The following MAP3K10 variants were observed in gnomAD, a reference collection of about 807,000 sequenced individuals.
MAP3K10 encodes mitogen-activated protein kinase kinase kinase 10.
Under a neutral mutation model 75.0 loss-of-function variants are expected in MAP3K10, and 22 were observed. The observed-to-expected ratio is 0.29, with a 90% CI of 0.21 to 0.42. MAP3K10 has a LOEUF of 0.42. Ranked by LOEUF, MAP3K10 falls within the 10% of genes least tolerant of loss-of-function variation. The probability of loss-of-function intolerance (pLI) is 1.00; values close to 1 mark genes in which losing one functional copy is unlikely to be tolerated. For synonymous variants in MAP3K10, 599 were observed against 612.9 expected (o/e 0.98, Z 0.34); for missense variants, 1,165 against 1,379.8 (o/e 0.84, Z 2.47).
At chr19:40,200,563 T>G (rs1326341927) in intron 2 of MAP3K10, among the ~76,000 whole-genome samples, 1 of 151,748 alleles carries the variant, frequency 6.6e-6, no homozygotes, top group Non-Finnish European at 1.5e-5. Context: ...AGAGCAGCCC[T>G]TTGGGAGAAT....
chr19:40,195,737 C>T (rs750788225), intron 1 of MAP3K10, among the ~76,000 whole-genome samples: 3 of 151,946 alleles, frequency 2.0e-5, no homozygotes, highest in African/African-American at 4.8e-5. Flanking sequence ...TCAGGTGATC[C>T]GCCTGCCTTA....
intron 1 of MAP3K10, among the ~76,000 whole-genome samples, chr19:40,193,835 C>T (rs1318899620): frequency 1.3e-5 from 2 of 152,200 alleles, no homozygotes; most frequent in Admixed American, 6.6e-5. Flanking sequence ...AGCATGTCCC[C>T]GGCCCTCACG....
Position 40,214,002 on chromosome 19 carries a change from TCCCCACC to T in MAP3K10, c.2324_2330del (p.Ser775TyrfsTer45). The T allele has an allele frequency of 2.0e-6, 3 of 1,493,638 alleles. No homozygotes were observed. Among genetic ancestry groups the T allele is most frequent in the African/African-American group, 1.5e-5 (1 of 67,946 alleles). The allele number at this position is 1,493,638 out of a possible 1,614,324, so 92.5% of individuals were successfully genotyped here. A position where few individuals can be genotyped will look rare whatever the true frequency, so the allele number is the denominator to read the frequency against. On this transcript the variant is annotated frameshift_variant, in exon 9 of 10. Coordinates refer to ENST00000253055, the MANE Select transcript of MAP3K10 (RefSeq NM_002446.4). LOFTEE classifies it high-confidence loss of function. ...TGACGAGGCCGCACCGGCCGCGCCC[TCCCCACC>T]ACCCTCCCCGCCCGCGCCCACACCC...
chr19:40,194,647 C>T (rs1333812398), intron 1 of MAP3K10, among the ~76,000 whole-genome samples: 1 of 152,206 alleles, frequency 6.6e-6, no homozygotes, highest in Non-Finnish European at 1.5e-5. Flanking sequence ...GTGCCAGAAA[C>T]AGAGGACACA....
At chr19:40,214,786 G>A (rs1973319534) in intron 9 of MAP3K10, among the ~76,000 whole-genome samples, 184 bp from the exon 10 acceptor site, 1 of 152,150 alleles carries the variant, frequency 6.6e-6, no homozygotes, top group African/African-American at 2.4e-5. Flanking sequence ...GCAAGCAGCT[G>A]GGAGTGGTCC....
chr19:40,207,382 T>G (rs1973142841), intron 5 of MAP3K10, among the ~76,000 whole-genome samples: 1 of 152,146 alleles, frequency 6.6e-6, no homozygotes. Context: ...CGTGTATAAT[T>G]TTAAATTTTC....
chr19:40,211,946 A>G (rs2145096106), intron 6 of MAP3K10, among the ~76,000 whole-genome samples: 1 of 152,242 alleles, frequency 6.6e-6, no homozygotes, highest in South Asian at 2.1e-4. Context: ...GCTGGTCTCC[A>G]ACTCCTGACC....
Position 40,204,366 on chromosome 19 carries a change from A to G in MAP3K10, c.864-119A>G. 8.5e-7 allele frequency: 1 copy of G among 1,170,762 alleles called. No individual in the cohort carries two copies. Among genetic ancestry groups the G allele is most frequent in the South Asian group, 1.6e-5 (1 of 62,246 alleles). The allele number at this position is 1,170,762 out of a possible 1,614,324, so 72.5% of individuals were successfully genotyped here. ...GGTCAAAGCAAGTTCTTGTGACCTC[A>G]TTGGCCGGGGGTGGCTGTTGGGGTG... On this transcript the variant is annotated intron_variant, in intron 2 of 9. Transcript: ENST00000253055. The surrounding 1 kb of genome is among the most constrained non-coding windows in gnomAD (Gnocchi z 4.3).
rs1318464668 is a variant in MAP3K10 at position 40,215,484 on chromosome 19, A to G, written c.*192A>G. The G allele has an allele frequency of 5.2e-6, 3 of 579,192 alleles. No individual in the cohort carries two copies. The highest frequency in any genetic ancestry group is 6.1e-6 in the Non-Finnish European group (2 of 329,942). The allele number at this position is 579,192 out of a possible 1,614,324, so 35.9% of individuals were successfully genotyped here. On this transcript the variant is annotated 3_prime_UTR_variant, in exon 10 of 10. Transcript: ENST00000253055. Reference sequence around the variant, plus strand: ...GGGTGGAGCCCTGTGCCCACCCTGCACTGGGGGGAGGGTGGGCAGGGATAC... The same window carrying G: ...GGGTGGAGCCCTGTGCCCACCCTGCGCTGGGGGGAGGGTGGGCAGGGATAC...
chr19:40,201,873 A>G (rs899714414), intron 2 of MAP3K10, among the ~76,000 whole-genome samples: 1 of 148,586 alleles, frequency 6.7e-6, no homozygotes, highest in Admixed American at 6.8e-5. Flanking sequence ...ATAGGTATAC[A>G]TGTGCCATGG....
At position 40,213,152 on chromosome 19, in the gene MAP3K10, C is replaced by G; in HGVS notation, c.1801C>G (p.Pro601Ala). 6.3e-7 allele frequency: 1 copy of G among 1,596,396 alleles called. No individual in the cohort carries two copies. Among genetic ancestry groups the G allele is most frequent in the Non-Finnish European group, 8.5e-7 (1 of 1,172,598 alleles). ...CCTGGGCAAGTCCCCCAAACACACA[C>G]CCATCGCCCCTGGCTTTGCCAGCCT... The part of the protein sequence containing the change: ...PNLGKSPKHT[P>A]IAPGFASLNE... The change falls in exon 8 of 10, where the codon CCC becomes GCC. Residue 601 changes from proline to alanine, a missense_variant. This residue lies in a region of MAP3K10 where 590 missense variants were observed against 586.6 expected (regional missense o/e 1.01). Transcript: ENST00000253055. This position sits in a 1 kb window ranked among gnomAD's most constrained non-coding sequence, Gnocchi z 5.7.
Position 40,191,930 on chromosome 19 carries a change from C to A in MAP3K10, c.-102C>A. On this transcript the variant is annotated 5_prime_UTR_variant, in exon 1 of 10. Transcript: ENST00000253055. ...CCATGGCCCTCAGGAGCTCCCTAGA[C>A]CCCGCAGGGACTGCCCTCCATCCCG... 8.1e-6 allele frequency: 6 copies of A among 744,754 alleles called. No homozygotes were observed. Among genetic ancestry groups the A allele is most frequent in the Non-Finnish European group, 1.2e-5 (6 of 494,650 alleles). 46.1% of individuals were successfully genotyped at this position (744,754 alleles called of 1,614,324 possible). A position where few individuals can be genotyped will look rare whatever the true frequency, so the allele number is the denominator to read the frequency against.
rs1038954392 is a variant in MAP3K10, at chr19:40,213,259, G to A, written c.1837+71G>A. 254 of 1,473,370 alleles carry A rather than the reference G, an allele frequency of 1.7e-4. 1 individual carries two copies. The African/African-American group carries it at 2.6e-3, about 15-fold the overall frequency. The allele number at this position is 1,473,370 out of a possible 1,614,324, so 91.3% of individuals were successfully genotyped here. ...AGGGGTGAGCCTCCTGGGGCTGAGC[G>A]AAGAGACCAGGTTTCACTGGGCCAG... On this transcript the variant is annotated intron_variant, in intron 8 of 9. Coordinates refer to ENST00000253055, the MANE Select transcript of MAP3K10 (RefSeq NM_002446.4). This position sits in a 1 kb window ranked among gnomAD's most constrained non-coding sequence, Gnocchi z 5.7.
chr19:40,215,173 C>T lies in MAP3K10; in HGVS notation c.2746C>T (p.Pro916Ser), dbSNP rs776846148. Reference sequence around the variant, plus strand: ...ACTCACCATCTCGCCTCCCAGCAGGCCAGACACTCCGGAGAGCCCTGGGCC... The same window carrying T: ...ACTCACCATCTCGCCTCCCAGCAGGTCAGACACTCCGGAGAGCCCTGGGCC... The part of the protein sequence containing the change: ...RTLTISPPSR[P>S]DTPESPGPPS... Residue 916 changes from proline (P) to serine (S), a missense_variant, in exon 10 of 10, where the codon CCA (proline) becomes TCA (serine). Pro to Ser is a moderately conservative substitution (Grantham distance 74). Coordinates refer to ENST00000253055, the MANE Select transcript of MAP3K10 (RefSeq NM_002446.4). 1 of 1,602,404 alleles carries T rather than the reference C, an allele frequency of 6.2e-7. No homozygotes were observed. Among genetic ancestry groups the T allele is most frequent in the East Asian group, 2.3e-5 (1 of 43,900 alleles).
At chr19:40,195,315 G>C (rs1017783745) in intron 1 of MAP3K10, among the ~76,000 whole-genome samples, 1 of 151,926 alleles carries the variant, frequency 6.6e-6, no homozygotes, top group Non-Finnish European at 1.5e-5. Flanking sequence ...CAGAAATAAA[G>C]CATAAAACCA....
Position 40,204,394 on chromosome 19 carries a change from G to A in MAP3K10, c.864-91G>A. The A allele has an allele frequency of 6.9e-7, 1 of 1,450,508 alleles. No individual in the cohort carries two copies. Among genetic ancestry groups the A allele is most frequent in the Non-Finnish European group, 9.3e-7 (1 of 1,079,558 alleles). 89.9% of individuals were successfully genotyped at this position (1,450,508 alleles called of 1,614,324 possible). On this transcript the variant is annotated intron_variant, in intron 2 of 9. Transcript: ENST00000253055. This position sits in a 1 kb window ranked among gnomAD's most constrained non-coding sequence, Gnocchi z 4.3. ...GGCCGGGGGTGGCTGTTGGGGTGAG[G>A]GCAGCCCTGCATGGGACCAAGGGCA...
Position 40,192,100 on chromosome 19 carries a change from G to C in MAP3K10, c.69G>C (p.Ala23=). 1.3e-6 allele frequency: 2 copies of C among 1,552,442 alleles called. No homozygotes were observed. The highest frequency in any genetic ancestry group is 1.2e-5 in the South Asian group (1 of 81,522). The change falls in exon 1 of 10, where the codon GCG becomes GCC. Residue 23 remains alanine (A), a synonymous_variant. Transcript: ENST00000253055. This position sits in a 1 kb window ranked among gnomAD's most constrained non-coding sequence, Gnocchi z 7.1. ...GTTPAGPVWT[A]VFDYEAAGDE... ...CCCCCGCGGGGCCCGTCTGGACCGC[G>C]GTGTTCGACTACGAGGCGGCGGGCG...
Position 40,192,643 on chromosome 19 carries a change from C to A in MAP3K10, c.612C>A (p.Ala204=), listed in dbSNP as rs780713711. 6.3e-7 allele frequency: 1 copy of A among 1,599,942 alleles called. No individual in the cohort carries two copies. Among genetic ancestry groups the A allele is most frequent in the African/African-American group, 1.3e-5 (1 of 74,836 alleles). The change falls in exon 1 of 10, where the codon GCC becomes GCA. Residue 204 remains alanine, a synonymous_variant. Coordinates refer to ENST00000253055, the MANE Select transcript of MAP3K10 (RefSeq NM_002446.4). The surrounding 1 kb of genome is among the most constrained non-coding windows in gnomAD (Gnocchi z 7.1). ...TGGTCAACTGGGCTGTGCAGGTGGC[C>A]CGGGGCATGAACTACCTACACAATG... is the stretch of plus-strand genomic sequence containing the variant. ...HVLVNWAVQV[A]RGMNYLHNDA... is the part of the protein sequence containing the mutation.
In MAP3K10 at chr19:40,215,093, C is replaced by T. The variant is rs550490560; in HGVS notation, c.2666C>T (p.Pro889Leu). ...CTGACCTTTGCCCCGAGACCTCGGC[C>T]GGCTGCCAGTCGCCCCCGCTTGGAC... ...TTLTFAPRPR[P>L]AASRPRLDPW... Residue 889 changes from proline to leucine, a missense_variant, in exon 10 of 10, where the codon CCG becomes CTG. This residue lies in a region of MAP3K10 where 590 missense variants were observed against 586.6 expected (regional missense o/e 1.01). Transcript: ENST00000253055. 4 of 1,610,542 alleles carry T rather than the reference C, an allele frequency of 2.5e-6. No homozygotes were observed. The highest frequency in any genetic ancestry group is 1.3e-5 in the African/African-American group (1 of 74,668).
Sources: allele counts gnomAD v4.1 joint callset (sites outside exome capture counted in the v4.1 genomes callset), GRCh38; gene constraint gnomAD v4.1.1; regional missense constraint gnomAD v4.1.1; non-coding constraint Gnocchi (gnomAD v3.1); transcripts MANE v1.5; gene names NCBI Gene and HGNC (gene_info 2026-07-23, HGNC 2026-07-21).